GPX6: variants seen among roughly 807,000 people sequenced by gnomAD.
GPX6 encodes the protein glutathione peroxidase 6.
GPX6 carries 21 observed loss-of-function variants against 20.0 expected under a neutral mutation model. The observed-to-expected ratio is 1.05, with a 90% CI of 0.74 to 1.51. GPX6 has a LOEUF of 1.51. GPX6 is among the 40% of genes most tolerant of loss of function. The pLI, the probability that GPX6 is intolerant of heterozygous loss-of-function variation, is 0.00. For missense variants in GPX6, 233 were observed against 254.7 expected, an observed-to-expected ratio of 0.91 and a Z score of 0.58; for synonymous variants, 75 against 98.0, an observed-to-expected ratio of 0.77 and a Z score of 1.38.
At chr6:28,507,058 GAT>G (rs1762812735) in intron 2 of GPX6, among the ~76,000 whole-genome samples, 2 of 152,128 alleles carry the variant, frequency 1.3e-5, no homozygotes, top group Non-Finnish European at 2.9e-5. Context: ...TGACCTAACT[GAT>G]GCTGCAACAT....
chr6:28,513,772 G>T (rs1007897736), intron 1 of GPX6, among the ~76,000 whole-genome samples: 2 of 152,190 alleles, frequency 1.3e-5, no homozygotes, highest in Non-Finnish European at 2.9e-5. Flanking sequence ...GGCTTCACAG[G>T]ATCTCAGTCC....
At chr6:28,512,747 C>A (rs199602880) in intron 1 of GPX6, among the ~76,000 whole-genome samples, 1 of 152,166 alleles carries the variant, frequency 6.6e-6, no homozygotes, top group Non-Finnish European at 1.5e-5. Context: ...TAACACTCAC[C>A]GTGAAGGTCT....
intron 1 of GPX6, 36 bp from the exon 2 acceptor site, chr6:28,510,940 A>T: frequency 6.5e-7 from 1 of 1,547,416 alleles, no homozygotes; most frequent in Admixed American, 1.9e-5. Flanking sequence ...ACGATATAAG[A>T]TAAAAAATAA....
chr6:28,509,332 C>T (rs954987878), intron 2 of GPX6, among the ~76,000 whole-genome samples: 61 of 135,016 alleles, frequency 4.5e-4, no homozygotes, highest in Non-Finnish European at 1.6e-5. Flanking sequence ...CCAGCCTGGC[C>T]AACATGGCAA....
At chr6:28,511,078 A>G (rs973841186) in intron 1 of GPX6, among the ~76,000 whole-genome samples, 174 bp from the exon 2 acceptor site, 2 of 152,178 alleles carry the variant, frequency 1.3e-5, no homozygotes, top group Admixed American at 6.5e-5. Flanking sequence ...GCTAGAATTT[A>G]TGTCTTCTAA....
chr6:28,512,691 T>G (rs1403524656), intron 1 of GPX6, among the ~76,000 whole-genome samples: 5 of 152,130 alleles, frequency 3.3e-5, no homozygotes, highest in African/African-American at 1.2e-4. Context: ...TTGCAATAAG[T>G]CTTGCTGCTG....
chr6:28,511,440 G>A (rs1762871632), intron 1 of GPX6, among the ~76,000 whole-genome samples: 2 of 152,252 alleles, frequency 1.3e-5, no homozygotes, highest in Non-Finnish European at 2.9e-5. Context: ...GTGCTGGGTA[G>A]AGAAAGGCGG....
chr6:28,512,208 C>G (rs1054720715), intron 1 of GPX6, among the ~76,000 whole-genome samples: 1 of 152,364 alleles, frequency 6.6e-6, no homozygotes, highest in East Asian at 1.9e-4. Context: ...GCTCGGCCTG[C>G]GGCCGTGGTG....
At chr6:28,511,204 A>G (rs1201284937) in intron 1 of GPX6, among the ~76,000 whole-genome samples, 1 of 152,172 alleles carries the variant, frequency 6.6e-6, no homozygotes, top group African/African-American at 2.4e-5. Flanking sequence ...CTCCCCCGAC[A>G]TCCTAACACT....
chr6:28,510,318 C>A (rs1331855056), intron 2 of GPX6, among the ~76,000 whole-genome samples: 1 of 152,214 alleles, frequency 6.6e-6, no homozygotes, highest in African/African-American at 2.4e-5. Context: ...GACACCAAAT[C>A]ATATAATTGC....
chr6:28,512,309 A>G (rs1003820995), intron 1 of GPX6, among the ~76,000 whole-genome samples: 1 of 152,230 alleles, frequency 6.6e-6, no homozygotes, highest in African/African-American at 2.4e-5. Context: ...TAAATACACC[A>G]ATCGGCACTC....
At chr6:28,506,245 G>T (rs1762804433) in intron 3 of GPX6, 67 bp downstream of exon 3, 4 of 910,730 alleles carry the variant, frequency 4.4e-6, no homozygotes, top group Non-Finnish European at 7.4e-6. Flanking sequence ...GAATAGGCAG[G>T]CATCTAGGTG....
In GPX6 at chr6:28,514,939, C is replaced by T. The variant is rs901239004; in HGVS notation, c.87+718G>A. Among the ~76,000 whole-genome samples, 9 of 152,306 alleles carry T rather than the reference C, an allele frequency of 5.9e-5. No individual in the cohort carries two copies. The East Asian group carries it at 1.7e-3, about 29-fold the overall frequency. On this transcript the variant is annotated intron_variant, in intron 1 of 4. Coordinates refer to ENST00000361902, the MANE Select transcript of GPX6 (RefSeq NM_182701.1). ...GTCCGCATCCTAAGACATATATACA[C>T]ATCTTTCACAGGGGTGACTATGGAC...
In GPX6 at chr6:28,504,161, C is replaced by T. The variant is rs138747658; in HGVS notation, c.*131G>A. On this transcript the variant is annotated 3_prime_UTR_variant, in exon 5 of 5. Transcript: ENST00000361902. ...ATGCTAAGCAGGTGCTTGGGTAGTACAGGATGGTTTGGTCATCAGGAGGCT... is the reference window on the plus strand; with the variant it reads ...ATGCTAAGCAGGTGCTTGGGTAGTATAGGATGGTTTGGTCATCAGGAGGCT... 753 of 742,842 alleles carry T rather than the reference C, an allele frequency of 1.0e-3. 8 individuals are homozygous for T. Among genetic ancestry groups the T allele is most frequent in the African/African-American group, 9.6e-3 (553 of 57,650 alleles). The allele number at this position is 742,842 out of a possible 1,614,324, so 46.0% of individuals were successfully genotyped here.
chr6:28,510,931 C>T lies in GPX6; in HGVS notation c.88-27G>A, dbSNP rs770997486. The T allele has an allele frequency of 6.3e-6, 10 of 1,574,948 alleles. No individual in the cohort carries two copies. In the African/African-American group the frequency reaches 8.2e-5, roughly 13 times the overall value. On this transcript the variant is annotated intron_variant, in intron 1 of 4. Coordinates refer to ENST00000361902, the MANE Select transcript of GPX6 (RefSeq NM_182701.1). ...TGGAATTTTACAAAAATAACCATAACGATATAAGATAAAAAATAATTCCCA... is the reference window on the plus strand; with the variant it reads ...TGGAATTTTACAAAAATAACCATAATGATATAAGATAAAAAATAATTCCCA...
At chr6:28,511,233 CCT>C (rs757852960) in intron 1 of GPX6, among the ~76,000 whole-genome samples, 10 of 152,212 alleles carry the variant, frequency 6.6e-5, no homozygotes, top group Non-Finnish European at 1.0e-4. Context: ...GTCATGCCGT[CCT>C]CTCTCAGATA....
chr6:28,511,781 C>A (rs189439757), intron 1 of GPX6, among the ~76,000 whole-genome samples: 2 of 152,374 alleles, frequency 1.3e-5, no homozygotes, highest in Non-Finnish European at 2.9e-5. Context: ...CTGTGGGAGC[C>A]CCCTTCTGGG....
chr6:28,514,851 C>T (rs1483302208), intron 1 of GPX6, among the ~76,000 whole-genome samples: 1 of 152,244 alleles, frequency 6.6e-6, no homozygotes, highest in Non-Finnish European at 1.5e-5. Context: ...ACTGAGGCTG[C>T]TTTTGAATAA....
At chr6:28,509,525 C>G (rs183258920) in intron 2 of GPX6, among the ~76,000 whole-genome samples, 117 of 152,292 alleles carry the variant, frequency 7.7e-4, no homozygotes, top group Non-Finnish European at 1.4e-3. Context: ...CAGAGCGAGA[C>G]TGTCTCAAAA....
Sources: allele counts gnomAD v4.1 joint callset (sites outside exome capture counted in the v4.1 genomes callset), GRCh38; gene constraint gnomAD v4.1.1; transcripts MANE v1.5; gene names NCBI Gene and HGNC (gene_info 2026-07-23, HGNC 2026-07-21).